MIPEP: variants seen among roughly 807,000 people sequenced by gnomAD.
MIPEP encodes mitochondrial intermediate peptidase.
A neutral mutation model predicts 90.3 loss-of-function variants in MIPEP; 79 were observed. The observed-to-expected ratio is 0.87, with a 90% CI of 0.73 to 1.05. MIPEP has a LOEUF of 1.05. MIPEP is among the 50% of genes least tolerant of loss of function. The probability of loss-of-function intolerance (pLI) is 0.00; values close to 1 mark genes in which losing one functional copy is unlikely to be tolerated. For missense variants in MIPEP, 940 were observed against 905.6 expected (o/e 1.04, Z -0.49); for synonymous variants, 334 against 315.8 (o/e 1.06, Z -0.61).
At chr13:23,738,359 T>C (rs77702723) in intron 18 of MIPEP, among the ~76,000 whole-genome samples, 3,198 of 152,090 alleles carry the variant, frequency 0.021, 119 homozygotes, top group African/African-American at 0.073. Flanking sequence ...GTAGTTTATG[T>C]GTGGCCCAAG....
At chr13:23,790,602 G>C (rs1423918089) in intron 16 of MIPEP, among the ~76,000 whole-genome samples, 1 of 152,182 alleles carries the variant, frequency 6.6e-6, no homozygotes, top group Admixed American at 6.5e-5. Flanking sequence ...GGGAGGCAAT[G>C]TGATGAGGGA....
chr13:23,782,694 T>C lies in MIPEP; in HGVS notation c.1849-22477A>G, dbSNP rs188277032. Among the ~76,000 whole-genome samples the C allele has an allele frequency of 4.7e-4, 71 of 151,866 alleles. 2 individuals are homozygous for C. The East Asian group carries it at 0.014, about 29-fold the overall frequency. ...TGGTTTTTTGAAAAGATCAACAAAA[T>C]TGATAGACCAGTAGCAAGACTAATA... On this transcript the variant is annotated intron_variant, in intron 16 of 18. Coordinates refer to ENST00000382172, the MANE Select transcript of MIPEP (RefSeq NM_005932.4).
chr13:23,733,493 G>C (rs1051996893), intron 18 of MIPEP, among the ~76,000 whole-genome samples: 21 of 152,184 alleles, frequency 1.4e-4, no homozygotes, highest in African/African-American at 4.8e-4. Flanking sequence ...GGGTGGTGTG[G>C]AGACACAACC....
intron 18 of MIPEP, among the ~76,000 whole-genome samples, chr13:23,737,417 G>C (rs1474515914): frequency 6.6e-6 from 1 of 152,150 alleles, no homozygotes; most frequent in Non-Finnish European, 1.5e-5. Flanking sequence ...TCTGTGCTTA[G>C]GGATGCTTTC....
At chr13:23,854,164 A>C (rs1478263584) in intron 10 of MIPEP, among the ~76,000 whole-genome samples, 2 of 147,724 alleles carry the variant, frequency 1.4e-5, no homozygotes, top group East Asian at 4.1e-4. Context: ...TCTCTACTAA[A>C]AATACAAAAA....
chr13:23,771,462 C>T (rs1198783443), intron 16 of MIPEP, among the ~76,000 whole-genome samples: 1 of 150,356 alleles, frequency 6.7e-6, no homozygotes, highest in African/African-American at 2.5e-5. Context: ...CTATAATTAA[C>T]CAGTTTCAAA....
chr13:23,743,562 G>C (rs1952353364), intron 18 of MIPEP, among the ~76,000 whole-genome samples: 1 of 152,180 alleles, frequency 6.6e-6, no homozygotes, highest in Non-Finnish European at 1.5e-5. Context: ...CACATATGAG[G>C]CTCTCTCTGT....
In MIPEP at chr13:23,889,134, G is replaced by A. The variant is rs1206546929; in HGVS notation, c.187C>T (p.Arg63Trp). 10 of 1,417,826 alleles carry A rather than the reference G, an allele frequency of 7.1e-6. No homozygotes were observed. The highest frequency in any genetic ancestry group is 9.2e-6 in the Non-Finnish European group (10 of 1,088,522). The allele number at this position is 1,417,826 out of a possible 1,614,324, so 87.8% of individuals were successfully genotyped here. A position where few individuals can be genotyped will look rare whatever the true frequency, so the allele number is the denominator to read the frequency against. Residue 63 changes from arginine (R) to tryptophan (W), a missense_variant and splice_region_variant, in exon 1 of 19, where the codon CGG (arginine) becomes TGG (tryptophan). Physicochemically the swap from Arg to Trp is moderately radical, Grantham distance 101. Transcript: ENST00000382172. Reference protein sequence around the residue: ...GSRLDLFGERRGLFGVPELSA... With the variant: ...GSRLDLFGERWGLFGVPELSA... ...GGAGCTCCTCCTGCGCCGCTCACCC[G>A]GCGCTCGCCGAACAGGTCCAAGCGG...
intron 14 of MIPEP, among the ~76,000 whole-genome samples, chr13:23,823,945 GCTATA>G (rs1335102191): frequency 1.2e-4 from 19 of 152,316 alleles, no homozygotes; most frequent in Admixed American, 9.2e-4. Flanking sequence ...CACAGCCTAT[GCTATA>G]CTGCCTTACC....
At chr13:23,782,335 C>T (rs1018420051) in intron 16 of MIPEP, among the ~76,000 whole-genome samples, 2 of 152,080 alleles carry the variant, frequency 1.3e-5, no homozygotes, top group African/African-American at 4.8e-5. Flanking sequence ...GGAAACTGAA[C>T]AACCTGCTCC....
At chr13:23,889,027 G>T in intron 1 of MIPEP, 105 bp downstream of exon 1, 1 of 1,089,258 alleles carries the variant, frequency 9.2e-7, no homozygotes, top group Non-Finnish European at 1.2e-6. Context: ...TTCGCTGCTC[G>T]CCTCCTCCCA....
intron 10 of MIPEP, among the ~76,000 whole-genome samples, chr13:23,843,303 G>C (rs186536373): frequency 6.6e-6 from 1 of 152,172 alleles, no homozygotes; most frequent in African/African-American, 2.4e-5. Flanking sequence ...AGAAAGAATG[G>C]GAGCGGAGTC....
chr13:23,860,634 G>T (rs1870251669), intron 9 of MIPEP, among the ~76,000 whole-genome samples: 1 of 151,016 alleles, frequency 6.6e-6, no homozygotes, highest in African/African-American at 2.4e-5. Context: ...GACAAGATCA[G>T]ATCTGCTTTT....
chr13:23,864,653 T>C (rs1428812338), intron 7 of MIPEP, among the ~76,000 whole-genome samples: 1 of 146,670 alleles, frequency 6.8e-6, no homozygotes, highest in Non-Finnish European at 1.5e-5. Context: ...GGAGAATAGC[T>C]TGAACCCAGG....
intron 16 of MIPEP, chr13:23,760,623 A>G (rs1474812607): frequency 1.9e-6 from 1 of 516,580 alleles, no homozygotes; most frequent in Admixed American, 2.1e-5. Flanking sequence ...GGGAGAAGCC[A>G]GATCTGCTGA....
intron 10 of MIPEP, among the ~76,000 whole-genome samples, chr13:23,853,018 G>GC (rs1869873281): frequency 6.6e-6 from 1 of 152,104 alleles, no homozygotes. Flanking sequence ...AGAAAATATT[G>GC]TTGTTCATCT....
chr13:23,881,869 G>T, intron 2 of MIPEP, 82 bp from the exon 3 acceptor site: 1 of 1,131,748 alleles, frequency 8.8e-7, no homozygotes, highest in Middle Eastern at 2.7e-4. Flanking sequence ...ATGAAAACTG[G>T]GTTTTAAGAT....
intron 10 of MIPEP, among the ~76,000 whole-genome samples, chr13:23,849,752 G>T (rs747479124): frequency 3.9e-5 from 6 of 152,174 alleles, no homozygotes; most frequent in Non-Finnish European, 8.8e-5. Flanking sequence ...GTCAAGAAGA[G>T]ACTTTCAACT....
intron 14 of MIPEP, among the ~76,000 whole-genome samples, chr13:23,833,585 T>A (rs1036920225): frequency 3.9e-5 from 6 of 152,230 alleles, no homozygotes; most frequent in African/African-American, 1.4e-4. Context: ...AATACAGGCA[T>A]TGAGAAGCTC....
Sources: allele counts gnomAD v4.1 joint callset (sites outside exome capture counted in the v4.1 genomes callset), GRCh38; gene constraint gnomAD v4.1.1; transcripts MANE v1.5; gene names NCBI Gene and HGNC (gene_info 2026-07-23, HGNC 2026-07-21).